TMEM108: variants seen among roughly 807,000 people sequenced by gnomAD.
The protein encoded by TMEM108 is cancer/testis antigen 124.
TMEM108 carries 12 observed loss-of-function variants against 35.1 expected under a neutral mutation model. The ratio of observed to expected loss-of-function variants is 0.34; its 90% confidence interval spans 0.22 to 0.55. TMEM108 has a LOEUF of 0.55. Ranked by LOEUF, TMEM108 falls within the 20% of genes least tolerant of loss-of-function variation. The probability of loss-of-function intolerance (pLI) is 0.89; values close to 1 mark genes in which losing one functional copy is unlikely to be tolerated. For missense variants in TMEM108, 680 were observed against 753.3 expected (o/e 0.90, Z 1.14); for synonymous variants, 287 against 308.6 (o/e 0.93, Z 0.73).
At chr3:133,292,396 C>G (rs1052989932) in intron 3 of TMEM108, among the ~76,000 whole-genome samples, 2 of 152,204 alleles carry the variant, frequency 1.3e-5, no homozygotes, top group Admixed American at 1.3e-4. Flanking sequence ...GTTTCCTTGC[C>G]CAGTCCTCAT....
At chr3:133,090,366 GTCT>G (rs1266480263) in intron 2 of TMEM108, among the ~76,000 whole-genome samples, 4 of 152,194 alleles carry the variant, frequency 2.6e-5, no homozygotes, top group African/African-American at 9.6e-5. Flanking sequence ...TTCTTCAGGA[GTCT>G]TTTTCCTCCC....
chr3:133,344,475 A>G (rs2071755952), intron 3 of TMEM108, among the ~76,000 whole-genome samples: 1 of 151,798 alleles, frequency 6.6e-6, no homozygotes, highest in Non-Finnish European at 1.5e-5. Flanking sequence ...TGCAAAGCAA[A>G]AAGATATATA....
At chr3:133,044,969 T>TTTTTTC (rs1327195682) in intron 1 of TMEM108, among the ~76,000 whole-genome samples, 4 of 150,782 alleles carry the variant, frequency 2.7e-5, no homozygotes, top group African/African-American at 9.7e-5. Context: ...TGCTTTTTTT[T>TTTTTTC]TTTTTCTTTT....
chr3:133,114,210 T>G (rs907962082), intron 2 of TMEM108, among the ~76,000 whole-genome samples: 1 of 152,202 alleles, frequency 6.6e-6, no homozygotes, highest in Non-Finnish European at 1.5e-5. Flanking sequence ...GCTGGGATGA[T>G]GTAAAGTAAT....
At chr3:133,338,568 T>A (rs1483089439) in intron 3 of TMEM108, among the ~76,000 whole-genome samples, 1 of 151,990 alleles carries the variant, frequency 6.6e-6, no homozygotes, top group Non-Finnish European at 1.5e-5. Context: ...AGTTCTTCAA[T>A]CAGAAAGAAA....
chr3:133,357,536 C>G (rs1204894409), intron 3 of TMEM108, among the ~76,000 whole-genome samples: 1 of 152,114 alleles, frequency 6.6e-6, no homozygotes, highest in Non-Finnish European at 1.5e-5. Context: ...TAAGTGCCCA[C>G]CAACCAACGA....
chr3:133,107,829 T>C (rs1944174305), intron 2 of TMEM108, among the ~76,000 whole-genome samples: 1 of 152,168 alleles, frequency 6.6e-6, no homozygotes, highest in Non-Finnish European at 1.5e-5. Context: ...ATGAATACTT[T>C]CCTTTTAAGT....
At chr3:133,341,013 T>A (rs2071645798) in intron 3 of TMEM108, among the ~76,000 whole-genome samples, 11 of 151,824 alleles carry the variant, frequency 7.2e-5, no homozygotes. Flanking sequence ...ACGGCAAGGA[T>A]GCCCACTTCC....
At chr3:133,073,476 G>A (rs1338355798) in intron 2 of TMEM108, among the ~76,000 whole-genome samples, 3 of 73,626 alleles carry the variant, frequency 4.1e-5, no homozygotes, top group Non-Finnish European at 8.0e-5. Context: ...AGGCTGAATA[G>A]TATTCTATTC....
rs561272552 is a variant in TMEM108, at chr3:133,216,351, C to CA, written c.-46-12914dup. Among the ~76,000 whole-genome samples the CA allele has an allele frequency of 2.4e-3, 367 of 152,192 alleles. 1 individual carries two copies. Among genetic ancestry groups the CA allele is most frequent in the African/African-American group, 8.4e-3 (347 of 41,556 alleles). ...TAAGTAAGGTATGGTCCAGGTTACT[C>CA]ATATCCCTGTGTTTCTCTTGTGCTA... On this transcript the variant is annotated intron_variant, in intron 2 of 5. Transcript: ENST00000321871.
chr3:133,292,524 T>C (rs1487151475), intron 3 of TMEM108, among the ~76,000 whole-genome samples: 1 of 152,192 alleles, frequency 6.6e-6, no homozygotes, highest in African/African-American at 2.4e-5. Context: ...ATAAACAACA[T>C]GCGTGGAACT....
At chr3:133,320,469 A>G (rs1159360774) in intron 3 of TMEM108, among the ~76,000 whole-genome samples, 8 of 115,698 alleles carry the variant, frequency 6.9e-5, no homozygotes, top group East Asian at 4.8e-4. Flanking sequence ...AAGTTACCCA[A>G]TGAGAAAAAG....
At chr3:133,081,328 A>G in intron 2 of TMEM108, among the ~76,000 whole-genome samples, 1 of 152,196 alleles carries the variant, frequency 6.6e-6, no homozygotes, top group East Asian at 1.9e-4. Context: ...CACCTCCTTG[A>G]CGTGTTCTCA....
intron 3 of TMEM108, 68 bp downstream of exon 3, chr3:133,229,419 CT>C: frequency 6.5e-7 from 1 of 1,529,228 alleles, no homozygotes; most frequent in Non-Finnish European, 9.0e-7. Flanking sequence ...GTACCCACAA[CT>C]TACTTTTTGG....
chr3:133,067,530 T>C (rs1160163158), intron 2 of TMEM108, among the ~76,000 whole-genome samples: 2 of 152,198 alleles, frequency 1.3e-5, no homozygotes, highest in African/African-American at 4.8e-5. Context: ...GTTCATCTGC[T>C]ACTACTTGCT....
At chr3:133,054,612 C>G (rs942945620) in intron 2 of TMEM108, among the ~76,000 whole-genome samples, 2 of 152,232 alleles carry the variant, frequency 1.3e-5, no homozygotes, top group Non-Finnish European at 2.9e-5. Context: ...GTTTTGTTCA[C>G]TTTCTCCCTG....
chr3:133,099,702 C>G (rs559581840), intron 2 of TMEM108, among the ~76,000 whole-genome samples: 9 of 152,182 alleles, frequency 5.9e-5, no homozygotes, highest in African/African-American at 1.9e-4. Flanking sequence ...AAGTATGCCA[C>G]CAGTCTCTTT....
At chr3:133,077,032 C>G (rs141366190) in intron 2 of TMEM108, among the ~76,000 whole-genome samples, 90 of 152,308 alleles carry the variant, frequency 5.9e-4, no homozygotes, top group African/African-American at 2.0e-3. Flanking sequence ...CATGCTAGAG[C>G]CCAAGAAGCA....
At chr3:133,214,321 A>C (rs1037161135) in intron 2 of TMEM108, among the ~76,000 whole-genome samples, 2 of 152,086 alleles carry the variant, frequency 1.3e-5, no homozygotes, top group South Asian at 4.2e-4. Context: ...CCCACCTGTA[A>C]AGCAGGCATA....
Sources: gnomAD v4.1 joint callset for allele counts (sites outside exome capture counted in the v4.1 genomes callset) on GRCh38, gnomAD v4.1.1 for gene constraint, MANE v1.5 for transcripts, NCBI Gene and HGNC (gene_info 2026-07-23, HGNC 2026-07-21) for gene names.